ACACB: variants seen among roughly 807,000 people sequenced by gnomAD.
The protein encoded by ACACB is acetyl-CoA carboxylase 2.
In ACACB, 209 loss-of-function variants were observed where a neutral mutation model predicts 278.8. The ratio of observed to expected loss-of-function variants is 0.75; its 90% CI spans 0.67 to 0.84. The LOEUF (loss-of-function observed/expected upper bound fraction) is 0.84, where lower values mean the gene tolerates loss of function less well. ACACB is among the 40% of genes least tolerant of loss of function. The pLI is 0.00. For synonymous variants in ACACB, 1,174 were observed against 1,285.6 expected (o/e 0.91, Z 1.86); for missense variants, 2,850 against 3,269.0 (o/e 0.87, Z 3.13).
chr12:109,212,142 CAG>C, intron 21 of ACACB, among the ~76,000 whole-genome samples: 1 of 152,118 alleles, frequency 6.6e-6, no homozygotes, highest in South Asian at 2.1e-4. Flanking sequence ...AGGGGATGAA[CAG>C]GGGTGTTTCA....
In ACACB at chr12:109,197,170, G is replaced by C. The variant is rs760389256; in HGVS notation, c.2627+17G>C. 2 of 1,595,930 alleles carry C rather than the reference G, an allele frequency of 1.3e-6. No homozygotes were observed. Among genetic ancestry groups the C allele is most frequent in the Non-Finnish European group, 1.7e-6 (2 of 1,172,376 alleles). ...GGTTGACAGGTGCGTGGGGGTGCGA[G>C]TCCCACTGTGGGCTGGGCATGCACA... is the stretch of plus-strand genomic sequence containing the variant. On this transcript the variant is annotated intron_variant, in intron 17 of 52. Transcript: ENST00000338432.
rs890098527 is a variant in ACACB, at chr12:109,227,367, T to A, written c.3883-4T>A. The A allele has an allele frequency of 6.2e-7, 1 of 1,609,306 alleles. No individual in the cohort carries two copies. The highest frequency in any genetic ancestry group is 1.7e-5 in the Admixed American group (1 of 59,136). ...AGAATGTCCGTGTGTTTCTGCCTTG[T>A]CAGGTTTACGTGCGGAGGGGCTACA... On this transcript the variant is annotated splice_region_variant and splice_polypyrimidine_tract_variant and intron_variant, in intron 27 of 52. Transcript: ENST00000338432.
chr12:109,164,296 G>A (rs1446911638), intron 2 of ACACB, among the ~76,000 whole-genome samples: 3 of 152,014 alleles, frequency 2.0e-5, no homozygotes, highest in Admixed American at 6.6e-5. Flanking sequence ...CCAGTGGCGC[G>A]ATCTCGGCTT....
At chr12:109,180,964 T>C (rs2044445787) in intron 11 of ACACB, among the ~76,000 whole-genome samples, 1 of 152,212 alleles carries the variant, frequency 6.6e-6, no homozygotes, top group African/African-American at 2.4e-5. Context: ...TCATCCTCGC[T>C]TTCCATGCCC....
intron 38 of ACACB, 99 bp downstream of exon 38, chr12:109,245,847 G>A: frequency 6.9e-7 from 1 of 1,453,146 alleles, no homozygotes; most frequent in Non-Finnish European, 9.3e-7. Context: ...CCAGTGCTTT[G>A]GGAGGCCAAG....
chr12:109,152,279 T>G (rs2043394626), intron 2 of ACACB, among the ~76,000 whole-genome samples: 1 of 152,232 alleles, frequency 6.6e-6, no homozygotes, highest in African/African-American at 2.4e-5. Context: ...CATTTCTTGA[T>G]TTTCATTGCT....
Position 109,245,762 on chromosome 12 carries a change from G to T in ACACB, c.5301+14G>T, listed in dbSNP as rs375750830. On this transcript the variant is annotated intron_variant, in intron 38 of 52. Transcript: ENST00000338432. ...GGTGGAAATGAGGTAATAGCTCAGC[G>T]GAGCCTAACCCCTGGCTGGAGTCAC... The T allele has an allele frequency of 6.2e-7, 1 of 1,613,126 alleles. No homozygotes were observed. Among genetic ancestry groups the T allele is most frequent in the African/African-American group, 1.3e-5 (1 of 74,844 alleles).
upstream of ACACB, among the ~76,000 whole-genome samples, chr12:109,112,584 C>T (rs1296833520): frequency 1.3e-5 from 2 of 151,704 alleles, no homozygotes; most frequent in African/African-American, 4.8e-5. Context: ...TGCCTGTAAT[C>T]CCAGCTACTT....
chr12:109,262,530 C>A, intron 49 of ACACB, 61 bp downstream of exon 49: 1 of 1,014,322 alleles, frequency 9.9e-7, no homozygotes, highest in Non-Finnish European at 1.5e-6. Context: ...TGGCCCACTG[C>A]TGGGGGTTTC....
At chr12:109,185,939 T>C (rs1287564534) in intron 12 of ACACB, among the ~76,000 whole-genome samples, 199 bp downstream of exon 12, 3 of 152,164 alleles carry the variant, frequency 2.0e-5, no homozygotes, top group Non-Finnish European at 4.4e-5. Context: ...TTATTTATTT[T>C]TATTTTTTTG....
At chr12:109,146,009 G>GA (rs1159729246) in intron 2 of ACACB, among the ~76,000 whole-genome samples, 6 of 151,044 alleles carry the variant, frequency 4.0e-5, no homozygotes, top group Admixed American at 4.0e-4. Flanking sequence ...ACTCTGACTC[G>GA]AAAAAAAAAT....
In ACACB at chr12:109,185,705, A is replaced by G. The variant is rs776099794; in HGVS notation, c.1945A>G (p.Ile649Val). ...SNPPLARGHVIAARITSENPD... is the reference protein window; with the variant it reads ...SNPPLARGHVVAARITSENPD... ...CCCTCCCCTCGCCCGAGGCCACGTC[A>G]TTGCCGCCAGAATCACCAGCGAAAA... The change falls in exon 12 of 53, where the codon ATT (isoleucine) becomes GTT (valine). Residue 649 changes from isoleucine to valine, a missense_variant. Coordinates refer to ENST00000338432, the MANE Select transcript of ACACB (RefSeq NM_001093.4). The G allele has an allele frequency of 3.7e-6, 6 of 1,611,560 alleles. No individual in the cohort carries two copies. In the Admixed American group the frequency reaches 6.7e-5, roughly 18 times the overall value.
chr12:109,150,498 C>T (rs747211895), intron 2 of ACACB, among the ~76,000 whole-genome samples: 2 of 152,308 alleles, frequency 1.3e-5, no homozygotes, highest in African/African-American at 2.4e-5. Flanking sequence ...TGTTCCTTCC[C>T]GCCACCATTT....
intron 15 of ACACB, 64 bp downstream of exon 15, chr12:109,192,014 C>G (rs2044910286): frequency 1.3e-6 from 2 of 1,531,288 alleles, no homozygotes; most frequent in South Asian, 2.3e-5. Flanking sequence ...GAGGCTGAAT[C>G]TGTCTCCTTT....
chr12:109,226,699 CAAAA>C (rs531983826), intron 27 of ACACB, among the ~76,000 whole-genome samples: 1 of 74,200 alleles, frequency 1.3e-5, no homozygotes, highest in Non-Finnish European at 2.8e-5. Context: ...AACTCCATCT[CAAAA>C]AAAAAAAAAA....
chr12:109,241,185 C>T lies in ACACB; in HGVS notation c.4926C>T (p.Gly1642=), dbSNP rs1308395561. The T allele has an allele frequency of 2.5e-6, 4 of 1,614,216 alleles. No individual in the cohort carries two copies. The highest frequency in any genetic ancestry group is 2.5e-6 in the Non-Finnish European group (3 of 1,180,026). The change falls in exon 36 of 53, where the codon GGC becomes GGT. Residue 1642 remains glycine (G), a synonymous_variant. Transcript: ENST00000338432. ...TCAACATCCGCCAGACCACCACCGG[C>T]AGTGCCGTTCCCATCCGCCTGTTCA... ...VKINIRQTTT[G]SAVPIRLFIT... is the part of the protein sequence containing the mutation.
chr12:109,137,793 A>C (rs1487681386), intron 1 of ACACB, among the ~76,000 whole-genome samples: 1 of 152,146 alleles, frequency 6.6e-6, no homozygotes, highest in Non-Finnish European at 1.5e-5. Flanking sequence ...GTCCCATTTA[A>C]AAATTTTTTT....
At chr12:109,240,263 C>T (rs2046756581) in intron 35 of ACACB, among the ~76,000 whole-genome samples, 1 of 152,158 alleles carries the variant, frequency 6.6e-6, no homozygotes, top group Non-Finnish European at 1.5e-5. Flanking sequence ...TGGTTCCAGG[C>T]TGCGCTGGGG....
At chr12:109,254,861 A>G (rs1187498669) in intron 44 of ACACB, among the ~76,000 whole-genome samples, 6 of 150,272 alleles carry the variant, frequency 4.0e-5, no homozygotes, top group Non-Finnish European at 8.9e-5. Flanking sequence ...TGCAATCTCT[A>G]CCTCCTGGGT....
Sources: gnomAD v4.1 joint callset for allele counts (sites outside exome capture counted in the v4.1 genomes callset) on GRCh38, gnomAD v4.1.1 for gene constraint, MANE v1.5 for transcripts, NCBI Gene and HGNC (gene_info 2026-07-23, HGNC 2026-07-21) for gene names.